The following PRCP variants were observed in gnomAD, a reference collection of about 807,000 sequenced individuals.
PRCP encodes the protein prolylcarboxypeptidase.
Under a neutral mutation model 54.2 loss-of-function variants are expected in PRCP, and 46 were observed. That is an observed-to-expected ratio of 0.85 (90% CI 0.67 to 1.09). The LOEUF (loss-of-function observed/expected upper bound fraction) is 1.09, where lower values mean the gene tolerates loss of function less well. PRCP is among the 50% of genes least tolerant of loss of function. The pLI, the probability that PRCP is intolerant of heterozygous loss-of-function variation, is 0.00. For synonymous variants in PRCP, 240 were observed against 212.2 expected (o/e 1.13, Z -1.14); for missense variants, 613 against 596.8 (o/e 1.03, Z -0.28).
chr11:82,868,233 T>G (rs1034876124), intron 1 of PRCP, among the ~76,000 whole-genome samples: 2 of 152,134 alleles, frequency 1.3e-5, no homozygotes, highest in Non-Finnish European at 2.9e-5. Flanking sequence ...AAAATCTCAT[T>G]GAAGATATAT....
chr11:82,848,948 C>G, intron 6 of PRCP, 101 bp downstream of exon 6: 6 of 1,202,054 alleles, frequency 5.0e-6, no homozygotes, highest in Non-Finnish European at 7.0e-6. Flanking sequence ...ACTCTGGAGC[C>G]CCTTTGTCAC....
chr11:82,866,249 T>C (rs1473760414), intron 1 of PRCP, among the ~76,000 whole-genome samples: 1 of 152,182 alleles, frequency 6.6e-6, no homozygotes, highest in African/African-American at 2.4e-5. Flanking sequence ...AAAGGAAATG[T>C]TTACAAGTCC....
intron 2 of PRCP, among the ~76,000 whole-genome samples, chr11:82,859,586 C>G (rs10898040): frequency 0.25 from 37,356 of 151,792 alleles, 4,828 homozygotes; most frequent in Admixed American, 0.3. Flanking sequence ...ACTCTAGAAA[C>G]AAGCTGAGAT....
chr11:82,892,750 G>T (rs1860032981), intron 1 of PRCP, among the ~76,000 whole-genome samples: 1 of 152,192 alleles, frequency 6.6e-6, no homozygotes, highest in South Asian at 2.1e-4. Flanking sequence ...TCACTTCAGG[G>T]CTATTTCTTG....
At chr11:82,867,589 G>C (rs10898044) in intron 1 of PRCP, among the ~76,000 whole-genome samples, 40,551 of 152,104 alleles carry the variant, frequency 0.27, 5,598 homozygotes, top group Admixed American at 0.31. Context: ...AAGAATTACC[G>C]GGCCACAGCT....
chr11:82,844,747 A>AAAAAGAAAGAAAGAAAG (rs756222029), intron 6 of PRCP, among the ~76,000 whole-genome samples: 6 of 136,096 alleles, frequency 4.4e-5, no homozygotes, highest in African/African-American at 1.7e-4. Flanking sequence ...AAAAAAAAAA[A>AAAAAGAAAGAAAGAAAG]AAAGAAAGAA....
upstream of PRCP, chr11:82,900,573 C>T (rs1295877580): frequency 2.3e-6 from 2 of 865,200 alleles, no homozygotes; most frequent in African/African-American, 3.3e-5. Flanking sequence ...CAGGTCACCA[C>T]AGCCACTCCG....
chr11:82,901,325 C>A (rs566043381), upstream of PRCP: 8 of 208,126 alleles, frequency 3.8e-5, no homozygotes, highest in Admixed American at 2.7e-4. Flanking sequence ...CGCTCCACCC[C>A]CCTCCTGCCT....
chr11:82,835,217 A>G lies in PRCP; in HGVS notation c.1274+3170T>C, dbSNP rs542514784. Among the ~76,000 whole-genome samples the G allele has an allele frequency of 3.3e-5, 5 of 152,368 alleles. No individual in the cohort carries two copies. The South Asian group carries it at 1.0e-3, about 32-fold the overall frequency. ...CAGAATTTAAAAATTAAAATTAAAA[A>G]TTAAAAAAGAAAATAGAATGAGTCT... is the stretch of plus-strand genomic sequence containing the variant. On this transcript the variant is annotated intron_variant, in intron 8 of 8. Transcript: ENST00000313010.
At chr11:82,882,112 G>GCA (rs1228649154) in intron 1 of PRCP, among the ~76,000 whole-genome samples, 3 of 152,046 alleles carry the variant, frequency 2.0e-5, no homozygotes, top group Non-Finnish European at 2.9e-5. Flanking sequence ...TTCACTTTGA[G>GCA]AAGGCTGAAC....
At chr11:82,853,625 A>C (rs1270785911) in intron 2 of PRCP, among the ~76,000 whole-genome samples, 1 of 152,172 alleles carries the variant, frequency 6.6e-6, no homozygotes, top group Non-Finnish European at 1.5e-5. Flanking sequence ...TTATTTTTAA[A>C]TAAGGACGAG....
rs146466502 is a variant in PRCP, at chr11:82,881,805, T to C, written c.168+18430A>G. ...TCCCATGTGAACAGGAGAGTGCAAC[T>C]GACCCTTGAACAACAGGGTGATTAG... On this transcript the variant is annotated intron_variant, in intron 1 of 8. Transcript: ENST00000313010. Among the ~76,000 whole-genome samples, 371 of 152,248 alleles carry C rather than the reference T, an allele frequency of 2.4e-3. 1 individual carries two copies. The highest frequency in any genetic ancestry group is 8.6e-3 in the African/African-American group (359 of 41,534).
intron 1 of PRCP, among the ~76,000 whole-genome samples, chr11:82,879,213 T>G (rs1273741353): frequency 6.6e-6 from 1 of 152,246 alleles, no homozygotes; most frequent in Admixed American, 6.5e-5. Flanking sequence ...CCCATATTTC[T>G]TGAAGGCTTT....
rs775323580 is a variant in PRCP at position 82,849,044 on chromosome 11, A to G, written c.921+5T>C. 9.3e-6 allele frequency: 15 copies of G among 1,610,960 alleles called. No individual in the cohort carries two copies. Among genetic ancestry groups the G allele is most frequent in the African/African-American group, 6.7e-5 (5 of 74,668 alleles). On this transcript the variant is annotated splice_donor_5th_base_variant and intron_variant, in intron 6 of 8. Coordinates refer to ENST00000313010, the MANE Select transcript of PRCP (RefSeq NM_005040.4). ...AAAAATGATGACAGGACATTTTCCTATTACCTTGATAGGCCAAGCAGGCAA... is the reference window on the plus strand; with the variant it reads ...AAAAATGATGACAGGACATTTTCCTGTTACCTTGATAGGCCAAGCAGGCAA...
intron 1 of PRCP, among the ~76,000 whole-genome samples, chr11:82,867,338 A>C (rs921010822): frequency 7.9e-5 from 12 of 152,074 alleles, no homozygotes; most frequent in Non-Finnish European, 1.6e-4. Context: ...CAGAGGGGGA[A>C]TTGCTAAGTT....
In PRCP at chr11:82,856,221, T is replaced by C. The variant is rs148645464; in HGVS notation, c.310-2943A>G. On this transcript the variant is annotated intron_variant, in intron 2 of 8. Coordinates refer to ENST00000313010, the MANE Select transcript of PRCP (RefSeq NM_005040.4). ...TACCAAAAAGACACATGCACTTGTA[T>C]GTTCATCTTAGCACTGTTTGCAATA... Among the ~76,000 whole-genome samples, 251 of 152,326 alleles carry C rather than the reference T, an allele frequency of 1.6e-3. 1 individual carries two copies. The highest frequency in any genetic ancestry group is 5.9e-3 in the African/African-American group (245 of 41,562).
rs199980660 is a variant in PRCP at position 82,838,533 on chromosome 11, G to A, written c.1128C>T (p.Val376=). ...EVVMPFCTNG[V]DDMFEPHSWN... The stretch of plus-strand genomic sequence containing the variant: ...ATGAGTGAGGTTCAAACATGTCATC[G>A]ACACCATTAGTACAAAAGGGCATGA... The change falls in exon 8 of 9, where the codon GTC becomes GTT. Residue 376 remains valine, a synonymous_variant. Transcript: ENST00000313010. 39 of 1,613,820 alleles carry A rather than the reference G, an allele frequency of 2.4e-5. No individual in the cohort carries two copies. Among genetic ancestry groups the A allele is most frequent in the South Asian group, 5.5e-5 (5 of 91,050 alleles).
At chr11:82,855,487 C>T (rs1248179567) in intron 2 of PRCP, among the ~76,000 whole-genome samples, 1 of 152,006 alleles carries the variant, frequency 6.6e-6, no homozygotes, top group African/African-American at 2.4e-5. Flanking sequence ...GGCGTGGTGG[C>T]GGGCACCTGT....
chr11:82,898,350 G>T (rs1243330028), intron 1 of PRCP, among the ~76,000 whole-genome samples: 3 of 152,152 alleles, frequency 2.0e-5, no homozygotes, highest in Admixed American at 6.5e-5. Flanking sequence ...GCCAAGAAAA[G>T]AATCTACAAT....
Sources: gnomAD v4.1 joint callset for allele counts (sites outside exome capture counted in the v4.1 genomes callset) on GRCh38, gnomAD v4.1.1 for gene constraint, MANE v1.5 for transcripts, NCBI Gene and HGNC (gene_info 2026-07-23, HGNC 2026-07-21) for gene names.